Variants in UNC13B observed in about 807,000 individuals in gnomAD.
UNC13B encodes unc-13 homolog B, also known as protein unc-13 homolog B.
UNC13B carries 144 observed loss-of-function variants against 211.0 expected under a neutral mutation model. The ratio of observed to expected loss-of-function variants is 0.68; its 90% CI spans 0.60 to 0.78. The LOEUF (loss-of-function observed/expected upper bound fraction) is 0.78, where lower values mean the gene tolerates loss of function less well. UNC13B is among the 30% of genes least tolerant of loss of function. UNC13B has a pLI of 0.00. For missense variants in UNC13B, 1,777 were observed against 2,002.0 expected (o/e 0.89, Z 2.14); for synonymous variants, 709 against 725.8 (o/e 0.98, Z 0.37).
At chr9:35,289,555 C>G (rs985842542) in intron 7 of UNC13B, among the ~76,000 whole-genome samples, 3 of 152,176 alleles carry the variant, frequency 2.0e-5, no homozygotes, top group African/African-American at 7.2e-5. Context: ...ATGATCTTTA[C>G]AGTAACCCAG....
chr9:35,255,418 G>A (rs1826817784), intron 6 of UNC13B, among the ~76,000 whole-genome samples: 1 of 151,896 alleles, frequency 6.6e-6, no homozygotes, highest in Non-Finnish European at 1.5e-5. Context: ...ATGAAGACAG[G>A]GGAACTGCAG....
chr9:35,191,705 A>C (rs1008961205), intron 1 of UNC13B, among the ~76,000 whole-genome samples: 2 of 152,228 alleles, frequency 1.3e-5, no homozygotes, highest in Non-Finnish European at 2.9e-5. Flanking sequence ...AACTTAGCAC[A>C]AGACACCCAC....
chr9:35,182,678 A>G (rs1021318037), intron 1 of UNC13B, among the ~76,000 whole-genome samples: 15 of 152,208 alleles, frequency 9.9e-5, no homozygotes, highest in East Asian at 7.7e-4. Flanking sequence ...ATGACTCTTA[A>G]CGAGCATGCT....
chr9:35,386,662 T>G (rs1697155343), intron 24 of UNC13B, among the ~76,000 whole-genome samples: 1 of 152,182 alleles, frequency 6.6e-6, no homozygotes, highest in South Asian at 2.1e-4. Context: ...CTGGGCTTCC[T>G]TCCTCTGAGA....
chr9:35,381,816 A>T, intron 20 of UNC13B, 97 bp downstream of exon 20: 4 of 1,458,598 alleles, frequency 2.7e-6, no homozygotes, highest in Non-Finnish European at 2.8e-6. Context: ...GTGAGGTAGC[A>T]TGCAGTGATT....
intron 7 of UNC13B, among the ~76,000 whole-genome samples, chr9:35,270,421 TAC>T (rs1827812608): frequency 6.6e-6 from 1 of 152,126 alleles, no homozygotes; most frequent in Non-Finnish European, 1.5e-5. Context: ...CATGTGTATA[TAC>T]ACACACATAT....
chr9:35,370,544 G>A lies in UNC13B; in HGVS notation c.9540+148G>A, dbSNP rs1445030470. ...ATTTAAAGCCTTCGGAGACTTAGCA[G>A]TGGCTTCACAGGGACTGTGTTCTAC... On this transcript the variant is annotated intron_variant, in intron 13 of 39. Coordinates refer to ENST00000635942, the MANE Select transcript of UNC13B (RefSeq NM_001371189.2). The A allele has an allele frequency of 4.5e-5, 31 of 690,902 alleles. 1 individual carries two copies. The highest frequency in any genetic ancestry group is 6.0e-5 in the Non-Finnish European group (25 of 419,398). 42.8% of individuals were successfully genotyped at this position (690,902 alleles called of 1,614,324 possible). A position where few individuals can be genotyped will look rare whatever the true frequency, so the allele number is the denominator to read the frequency against.
chr9:35,231,069 G>T (rs1218888948), intron 2 of UNC13B, 51 bp from the exon 3 acceptor site: 2 of 1,223,336 alleles, frequency 1.6e-6, no homozygotes, highest in Non-Finnish European at 1.2e-6. Flanking sequence ...TGTGAGATGG[G>T]TAACAATCTG....
rs1243346118 is a variant in UNC13B at position 35,306,374 on chromosome 9, A to T, written c.6970A>T (p.Met2324Leu). ...ACCAGGGACATCAGTGGATTTCCAG[A>T]TGAATGAATTGCAAAAAGACATTAT... is the stretch of plus-strand genomic sequence containing the variant. ...IVPGTSVDFQMNELQKDIIPP... is the reference protein window; with the variant it reads ...IVPGTSVDFQLNELQKDIIPP... The change falls in exon 9 of 40, where the codon ATG (methionine) becomes TTG (leucine). Residue 2324 changes from methionine to leucine, a missense_variant. Physicochemically the swap from Met to Leu is conservative, Grantham distance 15. Coordinates refer to ENST00000635942, the MANE Select transcript of UNC13B (RefSeq NM_001371189.2). 5.0e-6 allele frequency: 2 copies of T among 398,930 alleles called. No individual in the cohort carries two copies. Among genetic ancestry groups the T allele is most frequent in the Admixed American group, 4.4e-5 (1 of 22,710 alleles). The allele number at this position is 398,930 out of a possible 1,614,324, so 24.7% of individuals were successfully genotyped here.
chr9:35,172,604 A>G (rs1821392367), intron 1 of UNC13B, among the ~76,000 whole-genome samples: 2 of 152,224 alleles, frequency 1.3e-5, no homozygotes, highest in Non-Finnish European at 2.9e-5. Context: ...ATGTAAGCAT[A>G]TGGTTAAAAT....
chr9:35,265,531 T>C (rs1269604500), intron 7 of UNC13B, among the ~76,000 whole-genome samples: 1 of 152,248 alleles, frequency 6.6e-6, no homozygotes, highest in Non-Finnish European at 1.5e-5. Flanking sequence ...ATACACTATG[T>C]AAATGCATCT....
intron 7 of UNC13B, among the ~76,000 whole-genome samples, chr9:35,282,524 T>G (rs575472614): frequency 3.3e-5 from 5 of 152,152 alleles, no homozygotes; most frequent in Non-Finnish European, 5.9e-5. Context: ...CTCTGCCTCC[T>G]GGGATCAAGA....
At chr9:35,242,817 T>G (rs1032953883) in intron 5 of UNC13B, among the ~76,000 whole-genome samples, 3 of 152,210 alleles carry the variant, frequency 2.0e-5, no homozygotes, top group African/African-American at 4.8e-5. Flanking sequence ...GTGGGAGAAC[T>G]ATGTCACATG....
chr9:35,372,514 A>C (rs1156587699), intron 13 of UNC13B, among the ~76,000 whole-genome samples: 2 of 132,062 alleles, frequency 1.5e-5, no homozygotes, highest in Non-Finnish European at 3.2e-5. Context: ...GGCTTGGCAG[A>C]TACATGGGGC....
intron 7 of UNC13B, among the ~76,000 whole-genome samples, chr9:35,285,849 A>G (rs191892889): frequency 6.6e-6 from 1 of 152,360 alleles, no homozygotes; most frequent in African/African-American, 2.4e-5. Flanking sequence ...TTTCAGCAGA[A>G]TTAACTACTA....
Position 35,323,284 on chromosome 9 carries a change from G to A in UNC13B, c.9414+9295G>A, listed in dbSNP as rs562319629. 2.0e-5 allele frequency among the ~76,000 whole-genome samples: 3 copies of A among 152,026 alleles called. No individual in the cohort carries two copies. The South Asian group carries it at 6.3e-4, about 32-fold the overall frequency. On this transcript the variant is annotated intron_variant, in intron 11 of 39. Transcript: ENST00000635942. The stretch of plus-strand genomic sequence containing the variant: ...CTATTAACAGCTGCATAGTTTTTCT[G>A]TTAGTATAAATAGGGCTACTGCTTT...
At chr9:35,220,199 G>A (rs564834641) in intron 1 of UNC13B, among the ~76,000 whole-genome samples, 111 of 151,878 alleles carry the variant, frequency 7.3e-4, no homozygotes, top group Non-Finnish European at 1.3e-3. Context: ...TAGGGTACAT[G>A]AGATATTTTG....
rs752538736 is a variant in UNC13B at position 35,390,722 on chromosome 9, T to A, written c.11308+8T>A. 1.2e-6 allele frequency: 2 copies of A among 1,610,548 alleles called. No individual in the cohort carries two copies. Among genetic ancestry groups the A allele is most frequent in the South Asian group, 2.2e-5 (2 of 90,142 alleles). ...TGAAATATGCATTGGAGGGTAAGGA[T>A]CTGTTCAAATCAGTGGGCTGCCAGG... On this transcript the variant is annotated splice_region_variant and intron_variant, in intron 26 of 39. Coordinates refer to ENST00000635942, the MANE Select transcript of UNC13B (RefSeq NM_001371189.2).
intron 8 of UNC13B, among the ~76,000 whole-genome samples, chr9:35,299,529 A>G (rs1829567269): frequency 6.6e-6 from 1 of 152,080 alleles, no homozygotes; most frequent in Admixed American, 6.6e-5. Flanking sequence ...AACATGTTTC[A>G]TTTTTTTCAT....
Sources: allele counts gnomAD v4.1 joint callset (sites outside exome capture counted in the v4.1 genomes callset), GRCh38; gene constraint gnomAD v4.1.1; transcripts MANE v1.5; gene names NCBI Gene and HGNC (gene_info 2026-07-23, HGNC 2026-07-21).